COL18A1: variants seen among roughly 807,000 people sequenced by gnomAD.
The protein encoded by COL18A1 is collagen alpha-1(XVIII) chain.
A neutral mutation model predicts 168.0 loss-of-function variants in COL18A1; 133 were observed. The ratio of observed to expected loss-of-function variants is 0.79; its 90% confidence interval spans 0.69 to 0.91. COL18A1 has a LOEUF of 0.91. Ranked by LOEUF, COL18A1 falls within the 40% of genes least tolerant of loss-of-function variation. The probability of loss-of-function intolerance (pLI) is 0.00; values close to 1 mark genes in which losing one functional copy is unlikely to be tolerated. For synonymous variants in COL18A1, 949 were observed against 809.0 expected, an observed-to-expected ratio of 1.17 and a Z score of -2.94; for missense variants, 2,126 against 1,925.4, an observed-to-expected ratio of 1.10 and a Z score of -1.95.
intron 2 of COL18A1, among the ~76,000 whole-genome samples, chr21:45,442,656 G>T (rs1377653570): frequency 1.4e-5 from 2 of 147,028 alleles, no homozygotes; most frequent in African/African-American, 2.6e-5. Flanking sequence ...CAGCGGTGCT[G>T]GTGTGGGCGG....
intron 2 of COL18A1, among the ~76,000 whole-genome samples, chr21:45,450,346 G>A (rs944232849): frequency 2.0e-5 from 3 of 152,152 alleles, no homozygotes; most frequent in South Asian, 2.1e-4. Flanking sequence ...CTTCAGGGTC[G>A]AGGTGTGGGA....
chr21:45,416,984 C>G (rs532627856), intron 2 of COL18A1, among the ~76,000 whole-genome samples: 2 of 152,320 alleles, frequency 1.3e-5, no homozygotes, highest in South Asian at 4.1e-4. Context: ...TATTTGGAAG[C>G]AGCTAATTTG....
chr21:45,490,687 C>T (rs1365478812), intron 20 of COL18A1, 149 bp from the exon 21 acceptor site: 3 of 814,358 alleles, frequency 3.7e-6, no homozygotes, highest in Non-Finnish European at 6.1e-6. Context: ...GTATAAGTCT[C>T]CGTCAGGGCT....
intron 2 of COL18A1, among the ~76,000 whole-genome samples, chr21:45,448,297 C>G (rs201762187): frequency 6.6e-6 from 1 of 152,228 alleles, no homozygotes; most frequent in Non-Finnish European, 1.5e-5. Context: ...TCCACACACA[C>G]GCATATCCAC....
At position 45,471,511 on chromosome 21, in the gene COL18A1, G is replaced by T. The variant is rs184672373; in HGVS notation, c.652-2384G>T. Among the ~76,000 whole-genome samples, 12 of 152,312 alleles carry T rather than the reference G, an allele frequency of 7.9e-5. No individual in the cohort carries two copies. Among genetic ancestry groups the T allele is most frequent in the Admixed American group, 2.0e-4 (3 of 15,304 alleles). On this transcript the variant is annotated intron_variant, in intron 3 of 41. Coordinates refer to ENST00000651438, the MANE Select transcript of COL18A1 (RefSeq NM_001379500.1). This position sits in a 1 kb window ranked among gnomAD's most constrained non-coding sequence, Gnocchi z 4.4. ...TCTCCACAAGACTGCATCGACCCTG[G>T]CGCTGCCACAGATGGTGCCTGGGAC... is the stretch of plus-strand genomic sequence containing the variant.
intron 9 of COL18A1, 94 bp from the exon 10 acceptor site, chr21:45,479,808 G>C: frequency 1.9e-6 from 3 of 1,553,460 alleles, no homozygotes; most frequent in Non-Finnish European, 2.6e-6. Context: ...CTCAGCTCCC[G>C]TCCGTCCCCT....
chr21:45,492,784 GC>G, intron 24 of COL18A1, 71 bp downstream of exon 24: 7 of 1,180,282 alleles, frequency 5.9e-6, no homozygotes, highest in Non-Finnish European at 8.7e-6. Context: ...GCACAGAGCA[GC>G]CCGGTCGAGC....
chr21:45,437,891 C>T (rs1216383627), intron 2 of COL18A1, among the ~76,000 whole-genome samples: 1 of 68,680 alleles, frequency 1.5e-5, no homozygotes. Context: ...CTCTCCTGCA[C>T]ACACACACTC....
chr21:45,405,892 T>G (rs979015720), intron 2 of COL18A1, among the ~76,000 whole-genome samples: 1 of 151,526 alleles, frequency 6.6e-6, no homozygotes, highest in African/African-American at 2.4e-5. Flanking sequence ...GGGCGTCGTC[T>G]CCGCGTTTCC....
chr21:45,502,227 C>T (rs1036539908), intron 32 of COL18A1, among the ~76,000 whole-genome samples: 5 of 152,204 alleles, frequency 3.3e-5, no homozygotes, highest in African/African-American at 9.6e-5. Flanking sequence ...TGTGGAGCCA[C>T]GTGCTCCAAA....
At chr21:45,506,049 GC>G in intron 37 of COL18A1, 83 bp downstream of exon 37, 1 of 1,602,782 alleles carries the variant, frequency 6.2e-7, no homozygotes, top group East Asian at 2.2e-5. Flanking sequence ...AGAGGCTCAG[GC>G]CCCGGACAGG....
At chr21:45,468,840 G>T in intron 3 of COL18A1, 54 bp downstream of exon 3, 3 of 1,421,276 alleles carry the variant, frequency 2.1e-6, no homozygotes, top group South Asian at 1.3e-5. Flanking sequence ...ATGGGGTGGG[G>T]TGGGGGTGGC....
chr21:45,454,190 C>T (rs1474195079), intron 2 of COL18A1, among the ~76,000 whole-genome samples: 1 of 152,154 alleles, frequency 6.6e-6, no homozygotes, highest in East Asian at 1.9e-4. Flanking sequence ...CGCCTGCCCT[C>T]GAGAAGGAGG....
intron 2 of COL18A1, among the ~76,000 whole-genome samples, chr21:45,431,317 C>G (rs1378387585): frequency 6.6e-6 from 1 of 152,080 alleles, no homozygotes; most frequent in Non-Finnish European, 1.5e-5. Context: ...CCAGTGCTGG[C>G]TGCAGAGACA....
chr21:45,502,150 G>A (rs551082345), intron 32 of COL18A1, among the ~76,000 whole-genome samples: 2 of 152,118 alleles, frequency 1.3e-5, no homozygotes, highest in Non-Finnish European at 2.9e-5. Flanking sequence ...GAGGGAGCAC[G>A]GGTCCTGACA....
rs866989729 is a variant in COL18A1 at position 45,482,298 on chromosome 21, C to T, written c.1674+273C>T. ...TCTGAGATCTTACTCCAAGCTTCCACGTTGGTTACGGGGCAGTGGCCATGA... is the reference window on the plus strand; with the variant it reads ...TCTGAGATCTTACTCCAAGCTTCCATGTTGGTTACGGGGCAGTGGCCATGA... On this transcript the variant is annotated intron_variant, in intron 14 of 41. Transcript: ENST00000651438. 16 of 662,438 alleles carry T rather than the reference C, an allele frequency of 2.4e-5. 1 individual carries two copies. The Middle Eastern group carries it at 1.7e-3, about 72-fold the overall frequency. 41.0% of individuals were successfully genotyped at this position (662,438 alleles called of 1,614,324 possible). A position where few individuals can be genotyped will look rare whatever the true frequency, so the allele number is the denominator to read the frequency against.
At chr21:45,499,343 C>T (rs894405260) in intron 32 of COL18A1, among the ~76,000 whole-genome samples, 2 of 152,272 alleles carry the variant, frequency 1.3e-5, no homozygotes, top group African/African-American at 2.4e-5. Flanking sequence ...CAGGAACCGG[C>T]GTCCCAGCGA....
At chr21:45,482,309 G>A (rs2035927867) in intron 14 of COL18A1, 2 of 679,726 alleles carry the variant, frequency 2.9e-6, no homozygotes, top group Admixed American at 2.0e-5. Context: ...GTTGGTTACG[G>A]GGCAGTGGCC....
At chr21:45,503,891 T>C in intron 32 of COL18A1, 120 bp from the exon 33 acceptor site, 2 of 961,936 alleles carry the variant, frequency 2.1e-6, no homozygotes, top group Non-Finnish European at 3.3e-6. Context: ...AAATACGCGA[T>C]CTCTACCGCG....
Sources: allele counts gnomAD v4.1 joint callset (sites outside exome capture counted in the v4.1 genomes callset), GRCh38; gene constraint gnomAD v4.1.1; non-coding constraint Gnocchi (gnomAD v3.1); transcripts MANE v1.5; gene names NCBI Gene and HGNC (gene_info 2026-07-23, HGNC 2026-07-21).